TANC2: variants seen among roughly 807,000 people sequenced by gnomAD.
TANC2 encodes tetratricopeptide repeat, ankyrin repeat and coiled-coil containing 2.
Under a neutral mutation model 210.5 loss-of-function variants are expected in TANC2, and 26 were observed. The observed-to-expected ratio is 0.12, with a 90% CI of 0.09 to 0.17. The LOEUF is 0.17. Among genes scored for constraint, TANC2 ranks in the 10% least tolerant of loss-of-function variants. TANC2 has a pLI of 1.00. For missense variants in TANC2, 2,129 were observed against 2,608.9 expected, an observed-to-expected ratio of 0.82 and a Z score of 4.01; for synonymous variants, 931 against 967.1, an observed-to-expected ratio of 0.96 and a Z score of 0.69.
rs577147112 is a variant in TANC2, at chr17:63,145,832, A to G, written c.323-5438A>G. Among the ~76,000 whole-genome samples the G allele has an allele frequency of 4.6e-4, 70 of 152,234 alleles. No individual in the cohort carries two copies. In the South Asian group the frequency reaches 8.3e-3, roughly 18 times the overall value. ...GTAAGTTTTGAAATCAGAAAGTGTG[A>G]GAAATCCAAGTTTATTATTTTTTTC... On this transcript the variant is annotated intron_variant, in intron 4 of 27. Transcript: ENST00000689528.
chr17:63,238,179 T>G, intron 8 of TANC2, 102 bp downstream of exon 8: 4 of 1,358,478 alleles, frequency 2.9e-6, no homozygotes, highest in Non-Finnish European at 3.9e-6. Context: ...AGTATTTAAA[T>G]TTTCCATTCA....
chr17:63,281,700 G>A (rs997613110), intron 9 of TANC2, among the ~76,000 whole-genome samples: 1 of 152,038 alleles, frequency 6.6e-6, no homozygotes, highest in Admixed American at 6.6e-5. Flanking sequence ...TGACCTTTTT[G>A]GAACTAAGAC....
chr17:63,346,890 A>T (rs1374309076), intron 12 of TANC2, among the ~76,000 whole-genome samples: 1 of 149,962 alleles, frequency 6.7e-6, no homozygotes. Flanking sequence ...TTTTTTTCAG[A>T]GATGGGGGTC....
chr17:63,332,698 C>T (rs2045898095), intron 11 of TANC2, among the ~76,000 whole-genome samples: 1 of 152,130 alleles, frequency 6.6e-6, no homozygotes, highest in South Asian at 2.1e-4. Context: ...TAGCTGGTGC[C>T]ACCTAGGACT....
At chr17:63,104,183 G>T (rs902181383) in intron 4 of TANC2, among the ~76,000 whole-genome samples, 1 of 152,082 alleles carries the variant, frequency 6.6e-6, no homozygotes, top group Non-Finnish European at 1.5e-5. Context: ...GCTTACTTAG[G>T]TATTGCTGTG....
chr17:63,009,799 G>A (rs939372450), intron 2 of TANC2, among the ~76,000 whole-genome samples, 173 bp downstream of exon 2: 3 of 152,108 alleles, frequency 2.0e-5, no homozygotes, highest in Non-Finnish European at 4.4e-5. Flanking sequence ...ACTTGAATGC[G>A]TATCAGGAAT....
intron 2 of TANC2, among the ~76,000 whole-genome samples, chr17:63,025,515 G>A (rs916975009): frequency 6.6e-6 from 1 of 152,108 alleles, no homozygotes; most frequent in Non-Finnish European, 1.5e-5. Flanking sequence ...GAGATCACGG[G>A]GCAGGCATGG....
Position 63,231,899 on chromosome 17 carries a change from T to C in TANC2, c.770-5915T>C, listed in dbSNP as rs58302423. Among the ~76,000 whole-genome samples, 433 of 152,316 alleles carry C rather than the reference T, an allele frequency of 2.8e-3. 3 individuals are homozygous for C. The highest frequency in any genetic ancestry group is 9.9e-3 in the African/African-American group (410 of 41,572). On this transcript the variant is annotated intron_variant, in intron 7 of 27. Transcript: ENST00000689528. Reference sequence around the variant, plus strand: ...TCCCTGTCTCAGGTACCCTAGTCAGTCATAGGTTTGGTCTTTTTACATAAT... The same window carrying C: ...TCCCTGTCTCAGGTACCCTAGTCAGCCATAGGTTTGGTCTTTTTACATAAT...
At chr17:63,086,293 C>G (rs1427004807) in intron 3 of TANC2, among the ~76,000 whole-genome samples, 1 of 152,108 alleles carries the variant, frequency 6.6e-6, no homozygotes, top group South Asian at 2.1e-4. Context: ...GGGAAATCTT[C>G]AGTCATTATT....
intron 5 of TANC2, among the ~76,000 whole-genome samples, chr17:63,161,035 G>C (rs1290350254): frequency 1.3e-5 from 2 of 152,152 alleles, no homozygotes; most frequent in African/African-American, 4.8e-5. Context: ...GAGTGGTAAG[G>C]CTTGCCAAAC....
intron 14 of TANC2, among the ~76,000 whole-genome samples, chr17:63,368,166 G>A (rs2047165132): frequency 6.6e-6 from 1 of 152,150 alleles, no homozygotes; most frequent in Admixed American, 6.5e-5. Flanking sequence ...GATCAAAAGT[G>A]ACGAGATTTA....
chr17:63,022,111 C>T (rs1162965639), intron 2 of TANC2, among the ~76,000 whole-genome samples: 1 of 152,008 alleles, frequency 6.6e-6, no homozygotes, highest in Non-Finnish European at 1.5e-5. Context: ...GAGTCTGAGG[C>T]AGGCAGATCA....
At chr17:63,074,999 T>C (rs538898804) in intron 3 of TANC2, among the ~76,000 whole-genome samples, 28 of 152,296 alleles carry the variant, frequency 1.8e-4, no homozygotes, top group African/African-American at 6.5e-4. Flanking sequence ...TTTTTAGAGC[T>C]GTACTATTTT....
At chr17:63,395,974 G>A in intron 18 of TANC2, 46 bp downstream of exon 18, 1 of 1,515,994 alleles carries the variant, frequency 6.6e-7, no homozygotes, top group South Asian at 1.3e-5. Context: ...CTGTATTGAA[G>A]GACCCAGGAA....
chr17:63,083,954 T>G (rs1272234442), intron 3 of TANC2, among the ~76,000 whole-genome samples: 2 of 152,208 alleles, frequency 1.3e-5, no homozygotes, highest in Non-Finnish European at 2.9e-5. Context: ...AGTGTTCTTG[T>G]TGTATCTGTC....
At chr17:63,064,086 T>C (rs1463315752) in intron 2 of TANC2, among the ~76,000 whole-genome samples, 1 of 152,158 alleles carries the variant, frequency 6.6e-6, no homozygotes, top group Non-Finnish European at 1.5e-5. Context: ...TTCAAAGAAG[T>C]CTGATAGAAT....
At chr17:63,089,479 A>AG (rs1568375620) in intron 3 of TANC2, among the ~76,000 whole-genome samples, 4 of 152,166 alleles carry the variant, frequency 2.6e-5, no homozygotes, top group Non-Finnish European at 5.9e-5. Context: ...TTGGAAGGGG[A>AG]GGAGGTAAGA....
At chr17:63,115,075 GGAGA>G (rs987869736) in intron 4 of TANC2, among the ~76,000 whole-genome samples, 2 of 152,078 alleles carry the variant, frequency 1.3e-5, no homozygotes, top group Non-Finnish European at 2.9e-5. Flanking sequence ...TGGGGAGGTG[GGAGA>G]GAAAGTTGCT....
At chr17:63,121,970 C>CG (rs1437306384) in intron 4 of TANC2, among the ~76,000 whole-genome samples, 2 of 21,448 alleles carry the variant, frequency 9.3e-5, no homozygotes, top group Non-Finnish European at 1.7e-4. Flanking sequence ...TCATCTCTTG[C>CG]GGGGGGAGGG....
Sources: gnomAD v4.1 joint callset for allele counts (sites outside exome capture counted in the v4.1 genomes callset) on GRCh38, gnomAD v4.1.1 for gene constraint, MANE v1.5 for transcripts, NCBI Gene and HGNC (gene_info 2026-07-23, HGNC 2026-07-21) for gene names.